GDAP1: variants seen among roughly 807,000 people sequenced by gnomAD.
The protein encoded by GDAP1 is ganglioside induced differentiation associated protein 1.
A neutral mutation model predicts 40.1 loss-of-function variants in GDAP1; 34 were observed. The observed-to-expected ratio is 0.85, with a 90% confidence interval of 0.64 to 1.13. GDAP1 has a LOEUF of 1.13. GDAP1 is among the 50% of genes most tolerant of loss of function. The pLI, the probability that GDAP1 is intolerant of heterozygous loss-of-function variation, is 0.00. For synonymous variants in GDAP1, 170 were observed against 157.4 expected (o/e 1.08, Z -0.60); for missense variants, 374 against 433.7 (o/e 0.86, Z 1.22).
At chr8:74,439,766 C>T (rs1218402547) in intron 2 of GDAP1, among the ~76,000 whole-genome samples, 1 of 151,910 alleles carries the variant, frequency 6.6e-6, no homozygotes, top group African/African-American at 2.4e-5. Context: ...TTATCACTCT[C>T]TTTAAACCAT....
At chr8:74,435,728 T>C (rs1806080580) in intron 2 of GDAP1, among the ~76,000 whole-genome samples, 1 of 152,250 alleles carries the variant, frequency 6.6e-6, no homozygotes, top group Admixed American at 6.5e-5. Context: ...AAGAGATGTT[T>C]AGAAGCAGTT....
chr8:74,355,023 C>T (rs1035857680), intron 2 of GDAP1, among the ~76,000 whole-genome samples: 2 of 152,156 alleles, frequency 1.3e-5, no homozygotes, highest in Non-Finnish European at 2.9e-5. Flanking sequence ...GATCTAGAAA[C>T]ATTTTTCAAC....
chr8:74,410,341 A>C (rs1805694025), intron 2 of GDAP1, among the ~76,000 whole-genome samples: 1 of 150,180 alleles, frequency 6.7e-6, no homozygotes, highest in East Asian at 1.9e-4. Context: ...GCGATGTTAC[A>C]TTTTTTACCA....
At chr8:74,417,877 T>A (rs1033920221) in intron 2 of GDAP1, among the ~76,000 whole-genome samples, 3 of 151,780 alleles carry the variant, frequency 2.0e-5, no homozygotes, top group Admixed American at 1.3e-4. Flanking sequence ...AACACATGAA[T>A]ATCTATCCTA....
At chr8:74,462,305 A>G (rs1806411460) in intron 2 of GDAP1, among the ~76,000 whole-genome samples, 1 of 152,234 alleles carries the variant, frequency 6.6e-6, no homozygotes, top group South Asian at 2.1e-4. Context: ...AAGAAAATAG[A>G]TCAATTTAGG....
chr8:74,444,555 G>A (rs1434284875), intron 2 of GDAP1, among the ~76,000 whole-genome samples: 3 of 152,106 alleles, frequency 2.0e-5, no homozygotes, highest in Admixed American at 2.0e-4. Flanking sequence ...ATGCAACTAA[G>A]TAACTTCAGA....
intron 2 of GDAP1, among the ~76,000 whole-genome samples, chr8:74,398,239 T>C (rs1810244889): frequency 6.6e-6 from 1 of 152,226 alleles, no homozygotes; most frequent in African/African-American, 2.4e-5. Flanking sequence ...TTGTCTCTTT[T>C]GATCTTTGTT....
At chr8:74,441,926 A>G (rs1039244200) in intron 2 of GDAP1, among the ~76,000 whole-genome samples, 4 of 152,138 alleles carry the variant, frequency 2.6e-5, no homozygotes, top group Non-Finnish European at 2.9e-5. Flanking sequence ...ACCTCTCCCC[A>G]TGCCACACAT....
intron 2 of GDAP1, among the ~76,000 whole-genome samples, chr8:74,390,359 G>C (rs1306059840): frequency 1.3e-5 from 2 of 152,082 alleles, no homozygotes; most frequent in Non-Finnish European, 2.9e-5. Context: ...CCTTCGTATG[G>C]GGTTTTTGTG....
At chr8:74,362,828 G>C in intron 4 of GDAP1, 111 bp from the exon 5 acceptor site, 1 of 204,188 alleles carries the variant, frequency 4.9e-6, no homozygotes. Context: ...ATTTCTTCTC[G>C]TTGTCTAAAA....
chr8:74,392,369 A>G (rs940119484), intron 2 of GDAP1, among the ~76,000 whole-genome samples: 1 of 152,240 alleles, frequency 6.6e-6, no homozygotes, highest in African/African-American at 2.4e-5. Flanking sequence ...TTTGATGTCA[A>G]TAATTTCAAA....
intron 2 of GDAP1, among the ~76,000 whole-genome samples, chr8:74,357,772 G>T (rs1411747147): frequency 6.6e-6 from 1 of 152,016 alleles, no homozygotes; most frequent in Non-Finnish European, 1.5e-5. Context: ...TCTCTGTCCT[G>T]CCCCGCTATG....
chr8:74,476,396 ATG>A (rs1036144739), intron 2 of GDAP1, among the ~76,000 whole-genome samples: 1 of 151,994 alleles, frequency 6.6e-6, no homozygotes, highest in Non-Finnish European at 1.5e-5. Flanking sequence ...CTGTGTATTC[ATG>A]TGTTTTTGCA....
chr8:74,378,412 A>G (rs1809894351), intron 2 of GDAP1, among the ~76,000 whole-genome samples: 1 of 152,142 alleles, frequency 6.6e-6, no homozygotes, highest in Non-Finnish European at 1.5e-5. Flanking sequence ...CCAGTCCCAC[A>G]CACAAGAGGT....
chr8:74,405,738 T>C (rs186690355), intron 2 of GDAP1, among the ~76,000 whole-genome samples: 1 of 150,086 alleles, frequency 6.7e-6, no homozygotes, highest in Non-Finnish European at 1.5e-5. Context: ...AATAGCAGAG[T>C]TGAAGCATCA....
chr8:74,443,686 C>T (rs980472097), intron 2 of GDAP1, among the ~76,000 whole-genome samples: 12 of 152,112 alleles, frequency 7.9e-5, no homozygotes, highest in Admixed American at 2.6e-4. Flanking sequence ...ATCCAGAACC[C>T]GCTGATCCAG....
chr8:74,440,606 T>C (rs1806151418), intron 2 of GDAP1, among the ~76,000 whole-genome samples: 1 of 68 alleles, frequency 0.015, no homozygotes, highest in African/African-American at 0.036. Flanking sequence ...TTAGAAGTCT[T>C]TTTTTTTTTT....
chr8:74,396,462 C>T (rs1393471709), intron 2 of GDAP1, among the ~76,000 whole-genome samples: 3 of 151,850 alleles, frequency 2.0e-5, no homozygotes, highest in Non-Finnish European at 4.4e-5. Flanking sequence ...CCCATTAACT[C>T]GTCATTTACA....
chr8:74,455,536 C>T (rs936479174), intron 2 of GDAP1, among the ~76,000 whole-genome samples: 7 of 151,936 alleles, frequency 4.6e-5, no homozygotes, highest in African/African-American at 1.4e-4. Flanking sequence ...TCATTTAACA[C>T]ATAATTATTA....
Sources: gnomAD v4.1 joint callset for allele counts (sites outside exome capture counted in the v4.1 genomes callset) on GRCh38, gnomAD v4.1.1 for gene constraint, MANE v1.5 for transcripts, NCBI Gene and HGNC (gene_info 2026-07-23, HGNC 2026-07-21) for gene names.